TMPRSS11D: variants seen among roughly 807,000 people sequenced by gnomAD.
TMPRSS11D encodes transmembrane serine protease 11D, also known as transmembrane protease serine 11D.
In TMPRSS11D, 32 loss-of-function variants were observed where a neutral mutation model predicts 44.4. That is an observed-to-expected ratio of 0.72 (90% CI 0.54 to 0.97). The LOEUF is 0.97. TMPRSS11D is among the 50% of genes least tolerant of loss of function. The probability of loss-of-function intolerance (pLI) is 0.00; values close to 1 mark genes in which losing one functional copy is unlikely to be tolerated. For synonymous variants in TMPRSS11D, 179 were observed against 177.9 expected (o/e 1.01, Z -0.05); for missense variants, 446 against 502.6 (o/e 0.89, Z 1.08).
chr4:67,835,318 C>T (rs1718051590), intron 5 of TMPRSS11D, among the ~76,000 whole-genome samples, 197 bp from the exon 6 acceptor site: 2 of 152,088 alleles, frequency 1.3e-5, no homozygotes, highest in Admixed American at 1.3e-4. Flanking sequence ...CCCTACAAAT[C>T]TCTTTGTTTA....
Position 67,842,571 on chromosome 4 carries a change from C to T in TMPRSS11D, c.304G>A (p.Val102Ile). Residue 102 changes from valine to isoleucine, a missense_variant, in exon 4 of 10, where the codon GTT becomes ATT. By Grantham distance (29) the Val-to-Ile change is conservative. Coordinates refer to ENST00000283916, the MANE Select transcript of TMPRSS11D (RefSeq NM_004262.3). ...NLRNQFIRAH[V>I]AKLRQDGSGV... ...AGTTCCACTCACCTCAGTTTGGCAA[C>T]ATGAGCTCTGATGAACTGATTTCTT... The T allele has an allele frequency of 6.2e-7, 1 of 1,611,448 alleles. No homozygotes were observed. The highest frequency in any genetic ancestry group is 8.5e-7 in the Non-Finnish European group (1 of 1,179,326).
At chr4:67,857,115 A>G (rs1441913839) in intron 2 of TMPRSS11D, among the ~76,000 whole-genome samples, 2 of 152,080 alleles carry the variant, frequency 1.3e-5, no homozygotes, top group Admixed American at 6.6e-5. Flanking sequence ...TATATGATCC[A>G]GCAATCCCAC....
At position 67,827,275 on chromosome 4, in the gene TMPRSS11D, G is replaced by C; in HGVS notation, c.938C>G (p.Ala313Gly). The change falls in exon 8 of 10, where the codon GCT becomes GGT. Residue 313 changes from alanine (A) to glycine (G), a missense_variant. Ala to Gly is a moderately conservative substitution (Grantham distance 60). Coordinates refer to ENST00000283916, the MANE Select transcript of TMPRSS11D (RefSeq NM_004262.3). Reference sequence around the variant, plus strand: ...GAGACACTTACCAGCATATTCTTGAGCGCCCCATCCTGTTACATAAGCAGT... The same window carrying C: ...GAGACACTTACCAGCATATTCTTGACCGCCCCATCCTGTTACATAAGCAGT... ...GSTAYVTGWGAQEYAGHTVPE... is the reference protein window; with the variant it reads ...GSTAYVTGWGGQEYAGHTVPE... The C allele has an allele frequency of 6.2e-7, 1 of 1,601,242 alleles. No homozygotes were observed.
At chr4:67,843,595 G>T (rs2085963429) in intron 3 of TMPRSS11D, among the ~76,000 whole-genome samples, 1 of 152,150 alleles carries the variant, frequency 6.6e-6, no homozygotes, top group African/African-American at 2.4e-5. Flanking sequence ...CTGAGTATCT[G>T]GGACTATAAG....
Position 67,835,112 on chromosome 4 carries a change from T to A in TMPRSS11D, c.485A>T (p.Asp162Val), listed in dbSNP as rs146854767. Residue 162 changes from aspartate (D) to valine (V), a missense_variant, in exon 6 of 10, where the codon GAC (aspartate) becomes GTC (valine). Asp to Val is a radical substitution (Grantham distance 152). Transcript: ENST00000283916. The stretch of plus-strand genomic sequence containing the variant: ...AATAAGCCAATTTGCTGCAGCCTGG[T>A]CAGTAAGTGCTAGTATTAAAAAATG... ...NPSTEITSLT[D>V]QAAANWLINE... The A allele has an allele frequency of 3.2e-5, 52 of 1,611,862 alleles. No individual in the cohort carries two copies. Among genetic ancestry groups the A allele is most frequent in the Non-Finnish European group, 4.1e-5 (48 of 1,178,492 alleles).
intron 1 of TMPRSS11D, among the ~76,000 whole-genome samples, chr4:67,874,087 C>G (rs111447050): frequency 0.021 from 3,234 of 152,144 alleles, 114 homozygotes; most frequent in African/African-American, 0.074. Context: ...CAAATATTTA[C>G]TATTGTGTTA....
At position 67,883,812 on chromosome 4, in the gene TMPRSS11D, A is replaced by G. The variant is rs536642622; in HGVS notation, c.8+114T>C. On this transcript the variant is annotated intron_variant, in intron 1 of 9. Coordinates refer to ENST00000283916, the MANE Select transcript of TMPRSS11D (RefSeq NM_004262.3). ...AGAGTTTCGATGAAGTTTTCAGAGA[A>G]GTAACTAGAAGATTGCTAGACACAG... 3.6e-4 allele frequency: 256 copies of G among 721,112 alleles called. 2 individuals carry two copies. The African/African-American group carries it at 4.4e-3, about 13-fold the overall frequency. 44.7% of individuals were successfully genotyped at this position (721,112 alleles called of 1,614,324 possible).
At chr4:67,823,602 G>A (rs1265358634) in intron 9 of TMPRSS11D, among the ~76,000 whole-genome samples, 1 of 152,122 alleles carries the variant, frequency 6.6e-6, no homozygotes, top group Admixed American at 6.5e-5. Flanking sequence ...TTATTACCAA[G>A]TGTGCTTCTA....
intron 7 of TMPRSS11D, among the ~76,000 whole-genome samples, chr4:67,831,389 C>G (rs1048168067): frequency 6.6e-6 from 1 of 152,046 alleles, no homozygotes; most frequent in Non-Finnish European, 1.5e-5. Flanking sequence ...TTCACAGAGT[C>G]TGTTAGCTTT....
At chr4:67,868,331 TA>T (rs1718974007) in intron 1 of TMPRSS11D, among the ~76,000 whole-genome samples, 4 of 152,000 alleles carry the variant, frequency 2.6e-5, no homozygotes, top group Admixed American at 1.3e-4. Flanking sequence ...AGAAATTACT[TA>T]ATGTGTACAG....
At chr4:67,838,715 A>T (rs1310091329) in intron 4 of TMPRSS11D, among the ~76,000 whole-genome samples, 1 of 152,126 alleles carries the variant, frequency 6.6e-6, no homozygotes, top group Admixed American at 6.6e-5. Context: ...GCACACAATA[A>T]GTGTACTATA....
intron 9 of TMPRSS11D, among the ~76,000 whole-genome samples, chr4:67,825,234 T>C (rs1717763013): frequency 6.6e-6 from 1 of 151,922 alleles, no homozygotes; most frequent in South Asian, 2.1e-4. Flanking sequence ...TTAATTTTTA[T>C]AATATAGTGA....
Position 67,882,483 on chromosome 4 carries a change from T to C in TMPRSS11D, c.8+1443A>G, listed in dbSNP as rs182945483. On this transcript the variant is annotated intron_variant, in intron 1 of 9. Coordinates refer to ENST00000283916, the MANE Select transcript of TMPRSS11D (RefSeq NM_004262.3). ...GTCAAATTTCCTGTACAATGATGGA[T>C]CAACTTAGAAATTTGATTGATTCAA... Among the ~76,000 whole-genome samples, 857 of 152,240 alleles carry C rather than the reference T, an allele frequency of 5.6e-3. 9 individuals are homozygous for C. Among genetic ancestry groups the C allele is most frequent in the Non-Finnish European group, 9.5e-3 (647 of 67,996 alleles).
chr4:67,855,456 A>G (rs1471465174), intron 2 of TMPRSS11D, among the ~76,000 whole-genome samples: 1 of 152,162 alleles, frequency 6.6e-6, no homozygotes, highest in Admixed American at 6.5e-5. Context: ...GAATGAAGAC[A>G]AAAACCATAT....
chr4:67,852,917 T>C (rs889332775), intron 3 of TMPRSS11D, among the ~76,000 whole-genome samples: 1 of 152,142 alleles, frequency 6.6e-6, no homozygotes, highest in African/African-American at 2.4e-5. Flanking sequence ...ATTTATAATA[T>C]AAAATACATA....
At chr4:67,883,427 T>G (rs1172459853) in intron 1 of TMPRSS11D, among the ~76,000 whole-genome samples, 1 of 152,036 alleles carries the variant, frequency 6.6e-6, no homozygotes, top group Non-Finnish European at 1.5e-5. Flanking sequence ...AGAACTTTCT[T>G]GAAAATAATT....
At chr4:67,844,572 G>A (rs1560541383) in intron 3 of TMPRSS11D, among the ~76,000 whole-genome samples, 1 of 151,896 alleles carries the variant, frequency 6.6e-6, no homozygotes, top group African/African-American at 2.4e-5. Context: ...TCAGGAGTTC[G>A]AGACCAGTCT....
At chr4:67,876,495 A>G (rs1332882499) in intron 1 of TMPRSS11D, among the ~76,000 whole-genome samples, 2 of 152,196 alleles carry the variant, frequency 1.3e-5, no homozygotes, top group African/African-American at 4.8e-5. Context: ...GGTGTACGAC[A>G]TGATATATTT....
intron 5 of TMPRSS11D, among the ~76,000 whole-genome samples, chr4:67,837,752 C>T (rs1426782436): frequency 6.6e-6 from 1 of 151,984 alleles, no homozygotes; most frequent in African/African-American, 2.4e-5. Context: ...CCAAACAATA[C>T]AAAATTTACA....
Sources: gnomAD v4.1 joint callset for allele counts (sites outside exome capture counted in the v4.1 genomes callset) on GRCh38, gnomAD v4.1.1 for gene constraint, MANE v1.5 for transcripts, NCBI Gene and HGNC (gene_info 2026-07-23, HGNC 2026-07-21) for gene names.